The following MLIP variants were observed in gnomAD, a reference collection of about 807,000 sequenced individuals.
The protein encoded by MLIP is muscular LMNA-interacting protein.
In MLIP, 79 loss-of-function variants were observed where a neutral mutation model predicts 84.8. The observed-to-expected ratio is 0.93, with a 90% CI of 0.78 to 1.12. MLIP has a LOEUF of 1.12. Among genes scored for constraint, MLIP ranks in the 50% most tolerant of loss-of-function variants. The probability of loss-of-function intolerance (pLI) is 0.00; values close to 1 mark genes in which losing one functional copy is unlikely to be tolerated. For missense variants in MLIP, 1,257 were observed against 1,160.6 expected (o/e 1.08, Z -1.21); for synonymous variants, 504 against 463.0 (o/e 1.09, Z -1.14).
chr6:54,141,875 G>T lies in MLIP; in HGVS notation c.2217+3589G>T, dbSNP rs138037820. Among the ~76,000 whole-genome samples the T allele has an allele frequency of 7.9e-5, 12 of 152,300 alleles. No homozygotes were observed. In the East Asian group the frequency reaches 2.1e-3, roughly 27 times the overall value. ...AATTATAAAGACTCTCCATTCATGGGCCTGCCCTGGGCTTAAAGCTATTTG... is the reference window on the plus strand; with the variant it reads ...AATTATAAAGACTCTCCATTCATGGTCCTGCCCTGGGCTTAAAGCTATTTG... On this transcript the variant is annotated intron_variant, in intron 4 of 13. Coordinates refer to ENST00000502396, the MANE Select transcript of MLIP (RefSeq NM_001281747.2).
Position 54,169,633 on chromosome 6 carries a change from G to T in MLIP, c.2544+61G>T, listed in dbSNP as rs974298557. 2.7e-6 allele frequency: 3 copies of T among 1,122,768 alleles called. No homozygotes were observed. The African/African-American group carries it at 4.8e-5, about 18-fold the overall frequency. The allele number at this position is 1,122,768 out of a possible 1,614,324, so 69.6% of individuals were successfully genotyped here. On this transcript the variant is annotated intron_variant, in intron 9 of 13. Coordinates refer to ENST00000502396, the MANE Select transcript of MLIP (RefSeq NM_001281747.2). ...AATGGGTGCCTGTGTATGCTTTAGAGAGAACACTATTATACAGTAATTTAA... is the reference window on the plus strand; with the variant it reads ...AATGGGTGCCTGTGTATGCTTTAGATAGAACACTATTATACAGTAATTTAA...
At chr6:54,089,224 A>G (rs1767700059) in intron 1 of MLIP, among the ~76,000 whole-genome samples, 1 of 152,202 alleles carries the variant, frequency 6.6e-6, no homozygotes, top group Non-Finnish European at 1.5e-5. Context: ...GCTGGGTTAC[A>G]TAGCATTAAT....
intron 1 of MLIP, among the ~76,000 whole-genome samples, chr6:54,059,431 T>G (rs1176673948): frequency 1.3e-5 from 2 of 152,226 alleles, no homozygotes. Flanking sequence ...CTGCTAATTC[T>G]TGTTGATACT....
Position 54,137,431 on chromosome 6 carries a change from A to G in MLIP, c.1362A>G (p.Lys454=), listed in dbSNP as rs552897131. The change falls in exon 4 of 14, where the codon AAA becomes AAG. Residue 454 remains lysine, a synonymous_variant. Transcript: ENST00000502396. ...PASSTLTLDQ[K]EKQTPPTPKK... Reference sequence around the variant, plus strand: ...CTTCCACGCTCACACTTGACCAAAAAGAAAAGCAGACCCCACCCACGCCTA... The same window carrying G: ...CTTCCACGCTCACACTTGACCAAAAGGAAAAGCAGACCCCACCCACGCCTA... 85 of 1,536,032 alleles carry G rather than the reference A, an allele frequency of 5.5e-5. No homozygotes were observed. In the East Asian group the frequency reaches 1.9e-3, roughly 34 times the overall value.
intron 12 of MLIP, among the ~76,000 whole-genome samples, chr6:54,236,233 C>A (rs1328314864): frequency 6.6e-6 from 1 of 151,450 alleles, no homozygotes; most frequent in Non-Finnish European, 1.5e-5. Context: ...GGGAGAAATT[C>A]GAATCCTCTA....
chr6:54,120,969 G>A lies in MLIP; in HGVS notation c.97-478G>A, dbSNP rs560379327. On this transcript the variant is annotated intron_variant, in intron 1 of 13. Coordinates refer to ENST00000502396, the MANE Select transcript of MLIP (RefSeq NM_001281747.2). ...TCTTTAAGAGTAGCATTGGTATTCT[G>A]ATAGGCATACTTTCAACTTTAAATT... Among the ~76,000 whole-genome samples the A allele has an allele frequency of 3.8e-4, 58 of 152,278 alleles. No homozygotes were observed. The South Asian group carries it at 0.01, about 27-fold the overall frequency.
chr6:54,197,452 G>C (rs1267751088), intron 10 of MLIP, among the ~76,000 whole-genome samples: 3 of 151,992 alleles, frequency 2.0e-5, no homozygotes, highest in Non-Finnish European at 2.9e-5. Flanking sequence ...ATCTGGTAGA[G>C]GTGTGTTTCA....
intron 11 of MLIP, chr6:54,216,601 A>G (rs932958312): frequency 2.2e-5 from 21 of 974,482 alleles, no homozygotes; most frequent in Admixed American, 6.2e-5. Flanking sequence ...TGTGATTATT[A>G]AAAATCTTTT....
chr6:54,209,260 A>T (rs1779251527), intron 11 of MLIP, among the ~76,000 whole-genome samples: 1 of 152,220 alleles, frequency 6.6e-6, no homozygotes, highest in Non-Finnish European at 1.5e-5. Flanking sequence ...AAGATAAAAT[A>T]TCTTAAAAAA....
chr6:54,149,027 T>C, intron 4 of MLIP, 29 bp from the exon 5 acceptor site: 1 of 1,590,988 alleles, frequency 6.3e-7, no homozygotes, highest in Non-Finnish European at 8.6e-7. Context: ...TTTTCATCTC[T>C]ACTCTTGCTT....
intron 1 of MLIP, among the ~76,000 whole-genome samples, chr6:54,055,843 G>T (rs1256058219): frequency 6.6e-6 from 1 of 152,058 alleles, no homozygotes; most frequent in African/African-American, 2.4e-5. Flanking sequence ...AAGGAGGAGT[G>T]CCTGCTAAAC....
intron 1 of MLIP, among the ~76,000 whole-genome samples, chr6:54,036,954 T>C (rs924155292): frequency 5.9e-5 from 9 of 151,946 alleles, no homozygotes; most frequent in African/African-American, 2.2e-4. Flanking sequence ...GAAACACATA[T>C]ACCTTCTTGG....
At chr6:54,193,422 T>G (rs891479828) in intron 10 of MLIP, among the ~76,000 whole-genome samples, 1 of 152,196 alleles carries the variant, frequency 6.6e-6, no homozygotes, top group Non-Finnish European at 1.5e-5. Flanking sequence ...AGAGATATTA[T>G]GAGCAGCCAT....
intron 1 of MLIP, among the ~76,000 whole-genome samples, chr6:54,054,876 T>A (rs1232537009): frequency 6.6e-6 from 1 of 151,520 alleles, no homozygotes; most frequent in Non-Finnish European, 1.5e-5. Context: ...GCTTATCACA[T>A]TGTTTCATCA....
chr6:54,247,890 C>G (rs1246585532), intron 12 of MLIP, among the ~76,000 whole-genome samples: 1 of 152,084 alleles, frequency 6.6e-6, no homozygotes, highest in South Asian at 2.1e-4. Flanking sequence ...TGGCTTGACC[C>G]TATCACAGTC....
At chr6:54,108,832 G>T (rs934125517), upstream of MLIP, among the ~76,000 whole-genome samples, 1 of 152,114 alleles carries the variant, frequency 6.6e-6, no homozygotes, top group South Asian at 2.1e-4. Flanking sequence ...ATGAGAGAAA[G>T]AAAAGATCAG....
chr6:54,264,968 G>A (rs1235363950), intron 13 of MLIP, among the ~76,000 whole-genome samples: 1 of 151,994 alleles, frequency 6.6e-6, no homozygotes, highest in African/African-American at 2.4e-5. Context: ...TAGCTGCTTG[G>A]CCAAGACATT....
chr6:54,253,870 T>A (rs1391538273), intron 12 of MLIP, among the ~76,000 whole-genome samples: 1 of 152,150 alleles, frequency 6.6e-6, no homozygotes, highest in Non-Finnish European at 1.5e-5. Context: ...AGGACTGGAT[T>A]TTCTATCCAG....
At chr6:54,251,466 A>C (rs1487522121) in intron 12 of MLIP, among the ~76,000 whole-genome samples, 12 of 129,972 alleles carry the variant, frequency 9.2e-5, no homozygotes, top group South Asian at 2.2e-4. Context: ...ATATATATAT[A>C]TCTGTCTCTC....
Sources: allele counts gnomAD v4.1 joint callset (sites outside exome capture counted in the v4.1 genomes callset), GRCh38; gene constraint gnomAD v4.1.1; transcripts MANE v1.5; gene names NCBI Gene and HGNC (gene_info 2026-07-23, HGNC 2026-07-21).